The following PLXNA4 variants were observed in gnomAD, a reference collection of about 807,000 sequenced individuals.
PLXNA4 encodes plexin-A4.
PLXNA4 carries 44 observed loss-of-function variants against 191.8 expected under a neutral mutation model. The ratio of observed to expected loss-of-function variants is 0.23; its 90% confidence interval spans 0.18 to 0.29. PLXNA4 has a LOEUF of 0.29. Ranked by LOEUF, PLXNA4 falls within the 10% of genes least tolerant of loss-of-function variation. PLXNA4 has a pLI of 1.00. For synonymous variants in PLXNA4, 1,082 were observed against 1,009.5 expected, an observed-to-expected ratio of 1.07 and a Z score of -1.36; for missense variants, 1,800 against 2,488.8, an observed-to-expected ratio of 0.72 and a Z score of 5.89.
intron 4 of PLXNA4, among the ~76,000 whole-genome samples, chr7:132,276,056 G>A (rs982086535): frequency 2.0e-5 from 3 of 152,180 alleles, no homozygotes; most frequent in Admixed American, 6.5e-5. Context: ...TCTATCATGT[G>A]ACTGTGTTAT....
At position 132,125,680 on chromosome 7, in the gene PLXNA4, C is replaced by G. The variant is rs6968920; in HGVS notation, c.*4799G>C. The G allele has an allele frequency of 0.69, 103,961 of 151,644 alleles. 36,946 individuals carry two copies. The highest frequency in any genetic ancestry group is 0.83 in the East Asian group (4,268 of 5,146). 9.4% of individuals were successfully genotyped at this position (151,644 alleles called of 1,614,324 possible). On this transcript the variant is annotated 3_prime_UTR_variant, in exon 32 of 32. Coordinates refer to ENST00000321063, the MANE Select transcript of PLXNA4 (RefSeq NM_020911.2). Reference sequence around the variant, plus strand: ...CCCAGTCACCTGTCCTGAGAGCTGGCAGGAAGAGGGGAAGAGGCCCTTGAT... The same window carrying G: ...CCCAGTCACCTGTCCTGAGAGCTGGGAGGAAGAGGGGAAGAGGCCCTTGAT...
intron 25 of PLXNA4, among the ~76,000 whole-genome samples, chr7:132,154,556 TGC>T (rs1194022386): frequency 6.6e-6 from 1 of 152,214 alleles, no homozygotes; most frequent in Non-Finnish European, 1.5e-5. Context: ...GGTCAGTTGT[TGC>T]TATTTGGGGA....
At chr7:132,637,084 G>A (rs1368649538) in intron 2 of PLXNA4, among the ~76,000 whole-genome samples, 1 of 152,134 alleles carries the variant, frequency 6.6e-6, no homozygotes, top group Non-Finnish European at 1.5e-5. Flanking sequence ...AGAGATAGAT[G>A]GCTCTAAAAG....
chr7:132,471,258 C>T (rs1796923873), intron 3 of PLXNA4, among the ~76,000 whole-genome samples: 1 of 152,194 alleles, frequency 6.6e-6, no homozygotes, highest in South Asian at 2.1e-4. Flanking sequence ...CCCTGTAGGA[C>T]CATGAGCCAA....
intron 30 of PLXNA4, among the ~76,000 whole-genome samples, chr7:132,135,777 G>T (rs137936961): frequency 1.1e-4 from 16 of 152,262 alleles, no homozygotes; most frequent in Non-Finnish European, 2.4e-4. Flanking sequence ...CCTGGGTGAC[G>T]TGCCTCTCCT....
chr7:132,607,850 C>T, intron 2 of PLXNA4, among the ~76,000 whole-genome samples: 1 of 151,580 alleles, frequency 6.6e-6, no homozygotes, highest in African/African-American at 2.4e-5. Flanking sequence ...ACCATCACCA[C>T]CATCACTCCC....
chr7:132,625,668 GA>G (rs1257840643), intron 2 of PLXNA4, among the ~76,000 whole-genome samples: 5 of 152,146 alleles, frequency 3.3e-5, no homozygotes, highest in Admixed American at 3.3e-4. Context: ...GCACTGTGCT[GA>G]GTGCTATAGG....
intron 12 of PLXNA4, among the ~76,000 whole-genome samples, chr7:132,201,547 C>T (rs1378215452): frequency 6.6e-6 from 1 of 152,214 alleles, no homozygotes; most frequent in African/African-American, 2.4e-5. Context: ...GTCTTCTCTC[C>T]TTCTCCCTCT....
chr7:132,202,968 C>T, intron 11 of PLXNA4, 132 bp from the exon 12 acceptor site: 1 of 939,486 alleles, frequency 1.1e-6, no homozygotes, highest in East Asian at 2.7e-5. Context: ...CCCCCTTAGC[C>T]ATTCTGATGC....
intron 3 of PLXNA4, among the ~76,000 whole-genome samples, chr7:132,374,614 A>C (rs1430736806): frequency 6.6e-6 from 1 of 152,126 alleles, no homozygotes; most frequent in African/African-American, 2.4e-5. Context: ...GTTCTGGGCT[A>C]TTCTTTCACG....
chr7:132,577,185 G>C (rs1802282140), upstream of PLXNA4: 1 of 147,140 alleles, frequency 6.8e-6, no homozygotes, highest in Non-Finnish European at 1.5e-5. Context: ...CCTCCCGGGC[G>C]CGCCCCCGGC....
In PLXNA4 at chr7:132,217,381, G is replaced by A. The variant is rs77132455; in HGVS notation, c.2097+6146C>T. ...TCAGGGCTGGTGCTGCCTACAGACT[G>A]GGGGGATAGGCCCTTGAATTTATAG... On this transcript the variant is annotated intron_variant, in intron 9 of 31. Coordinates refer to ENST00000321063, the MANE Select transcript of PLXNA4 (RefSeq NM_020911.2). Among the ~76,000 whole-genome samples, 877 of 152,322 alleles carry A rather than the reference G, an allele frequency of 5.8e-3. 12 individuals are homozygous for A. Among genetic ancestry groups the A allele is most frequent in the African/African-American group, 0.02 (830 of 41,550 alleles).
chr7:132,181,496 T>C lies in PLXNA4; in HGVS notation c.3377A>G (p.Gln1126Arg), dbSNP rs1315623795. The C allele has an allele frequency of 1.2e-6, 2 of 1,614,184 alleles. No homozygotes were observed. The highest frequency in any genetic ancestry group is 1.7e-6 in the Non-Finnish European group (2 of 1,180,042). Residue 1126 changes from glutamine to arginine, a missense_variant, in exon 18 of 32, where the codon CAG becomes CGG. By Grantham distance (43) the Gln-to-Arg change is conservative. Around this residue, in one of 6 missense-constraint regions of PLXNA4, gnomAD observed 1,397 missense variants for 1,880.4 expected, o/e 0.74. Transcript: ENST00000321063. ...GGTCTTGTTGAGGATGAGCAGGGAC[T>C]GGACGTTGTCCAGGATGAAGCCAAA... ...EEFGFILDNVQSLLILNKTNF... is the reference protein window; with the variant it reads ...EEFGFILDNVRSLLILNKTNF...
rs753895846 is a variant in PLXNA4 at position 132,181,448 on chromosome 7, G to A, written c.3425C>T (p.Pro1142Leu). The change falls in exon 18 of 32, where the codon CCG (proline) becomes CTG (leucine). Residue 1142 changes from proline (P) to leucine (L), a missense_variant. Physicochemically the swap from Pro to Leu is moderately conservative, Grantham distance 98. Coordinates refer to ENST00000321063, the MANE Select transcript of PLXNA4 (RefSeq NM_020911.2). Reference protein sequence around the residue: ...NKTNFTYYPNPVFEAFGPSGI... With the variant: ...NKTNFTYYPNLVFEAFGPSGI... Reference sequence around the variant, plus strand: ...TGAGGGACCAAAGGCCTCAAACACCGGGTTGGGATAGTAGGTGAAGTTGGT... The same window carrying A: ...TGAGGGACCAAAGGCCTCAAACACCAGGTTGGGATAGTAGGTGAAGTTGGT... The A allele has an allele frequency of 3.1e-6, 5 of 1,613,464 alleles. No homozygotes were observed. The highest frequency in any genetic ancestry group is 4.2e-6 in the Non-Finnish European group (5 of 1,179,720).
At chr7:132,131,752 A>G (rs149528709) in intron 31 of PLXNA4, among the ~76,000 whole-genome samples, 121 of 152,370 alleles carry the variant, frequency 7.9e-4, no homozygotes, top group Non-Finnish European at 1.3e-3. Context: ...ACACTATAGC[A>G]TCCTTATTAT....
At chr7:132,639,947 G>T (rs1197195358) in intron 2 of PLXNA4, among the ~76,000 whole-genome samples, 2 of 152,208 alleles carry the variant, frequency 1.3e-5, no homozygotes, top group African/African-American at 2.4e-5. Context: ...ACACTGTCCA[G>T]GTTCCTCATC....
Position 132,164,172 on chromosome 7 carries a change from G to A in PLXNA4, c.4470C>T (p.Leu1490=). 2 of 1,614,208 alleles carry A rather than the reference G, an allele frequency of 1.2e-6. No homozygotes were observed. Among genetic ancestry groups the A allele is most frequent in the Non-Finnish European group, 1.7e-6 (2 of 1,180,058 alleles). Residue 1490 remains leucine (L), a synonymous_variant, in exon 24 of 32, where the codon CTC becomes CTT. Transcript: ENST00000321063. The part of the protein sequence containing the change: ...EARYSLSEDK[L]IRQQIDYKTL... The stretch of plus-strand genomic sequence containing the variant: ...TTTTGTAGTCAATCTGCTGGCGGAT[G>A]AGCTTGTCCTCGCTCAAGGAGTAGC...
At position 132,559,154 on chromosome 7, in the gene PLXNA4, C is replaced by G. The variant is rs1359080095; in HGVS notation, c.-87+17268G>C. ...AAACTTGGAGAAACTGCTGAATTCC[C>G]TGAGACCAAAAGTGCAGCTCCGTAA... On this transcript the variant is annotated intron_variant, in intron 1 of 31. Coordinates refer to ENST00000321063, the MANE Select transcript of PLXNA4 (RefSeq NM_020911.2). Among the ~76,000 whole-genome samples, 5 of 152,130 alleles carry G rather than the reference C, an allele frequency of 3.3e-5. No individual in the cohort carries two copies. In the East Asian group the frequency reaches 9.6e-4, roughly 29 times the overall value.
At chr7:132,430,627 A>G (rs1353197190) in intron 3 of PLXNA4, among the ~76,000 whole-genome samples, 1 of 152,224 alleles carries the variant, frequency 6.6e-6, no homozygotes, top group Non-Finnish European at 1.5e-5. Context: ...AAGAACATGC[A>G]TAGCTGAGGT....
Sources: allele counts gnomAD v4.1 joint callset (sites outside exome capture counted in the v4.1 genomes callset), GRCh38; gene constraint gnomAD v4.1.1; regional missense constraint gnomAD v4.1.1; transcripts MANE v1.5; gene names NCBI Gene and HGNC (gene_info 2026-07-23, HGNC 2026-07-21).